Variants in RAD52 observed in about 807,000 individuals in gnomAD.
RAD52 encodes DNA repair protein RAD52 homolog.
A neutral mutation model predicts 55.5 loss-of-function variants in RAD52; 47 were observed. The observed-to-expected ratio is 0.85, with a 90% CI of 0.67 to 1.08. The LOEUF (loss-of-function observed/expected upper bound fraction) is 1.08. Ranked by LOEUF, RAD52 falls within the 50% of genes least tolerant of loss-of-function variation. RAD52 has a pLI of 0.00. For synonymous variants in RAD52, 184 were observed against 198.9 expected (o/e 0.92, Z 0.63); for missense variants, 468 against 522.8 (o/e 0.90, Z 1.02).
chr12:952,110 C>T (rs565257187), upstream of RAD52, among the ~76,000 whole-genome samples: 2 of 152,274 alleles, frequency 1.3e-5, no homozygotes, highest in South Asian at 4.1e-4. Context: ...ATTACAGAGG[C>T]TACATGCCCA....
chr12:926,020 C>T (rs1240695458), intron 6 of RAD52, among the ~76,000 whole-genome samples: 1 of 152,104 alleles, frequency 6.6e-6, no homozygotes, highest in Non-Finnish European at 1.5e-5. Context: ...CTCAAAGACA[C>T]GGATATGGTT....
At chr12:959,127 G>A (rs745931193) in intron 1 of RAD52, among the ~76,000 whole-genome samples, 6 of 152,086 alleles carry the variant, frequency 3.9e-5, no homozygotes, top group East Asian at 1.9e-4. Flanking sequence ...TTACTCAACC[G>A]AGTGCTGAGG....
chr12:923,323 T>G (rs1956838540), intron 7 of RAD52, among the ~76,000 whole-genome samples: 1 of 151,758 alleles, frequency 6.6e-6, no homozygotes, highest in South Asian at 2.1e-4. Flanking sequence ...GAGGATCACA[T>G]GAGCCCAGCA....
intron 1 of RAD52, among the ~76,000 whole-genome samples, chr12:986,366 CTTTTGT>C (rs1318363026): frequency 2.6e-5 from 4 of 151,632 alleles, no homozygotes; most frequent in Non-Finnish European, 5.9e-5. Context: ...ATCCAGCCTG[CTTTTGT>C]TTTTATTTTT....
chr12:956,824 G>A (rs1249671993), intron 1 of RAD52, among the ~76,000 whole-genome samples: 1 of 152,196 alleles, frequency 6.6e-6, no homozygotes, highest in African/African-American at 2.4e-5. Flanking sequence ...TGGGATTACA[G>A]GCGTGAGCCA....
chr12:944,120 G>A (rs903178469), intron 1 of RAD52, among the ~76,000 whole-genome samples: 5 of 152,132 alleles, frequency 3.3e-5, no homozygotes, highest in African/African-American at 4.8e-5. Context: ...GGGGGCTGAG[G>A]TGGAAGGCTT....
chr12:960,037 C>T (rs928433549), intron 1 of RAD52, among the ~76,000 whole-genome samples: 1 of 152,108 alleles, frequency 6.6e-6, no homozygotes, highest in Non-Finnish European at 1.5e-5. Flanking sequence ...AGGGCACAGG[C>T]CTTATAAGCC....
At chr12:962,541 G>T (rs1306060205) in intron 1 of RAD52, among the ~76,000 whole-genome samples, 2 of 151,282 alleles carry the variant, frequency 1.3e-5, no homozygotes, top group Admixed American at 1.3e-4. Flanking sequence ...TAGAGATAGG[G>T]TTTCATCTTG....
chr12:939,080 GTGTGT>G (rs1399815192), intron 1 of RAD52, among the ~76,000 whole-genome samples: 12 of 126,478 alleles, frequency 9.5e-5, no homozygotes, highest in Non-Finnish European at 1.6e-4. Flanking sequence ...GTGTGTGTGT[GTGTGT>G]AGAGAGAGAG....
At chr12:953,879 C>T (rs576486358), upstream of RAD52, among the ~76,000 whole-genome samples, 8 of 152,116 alleles carry the variant, frequency 5.3e-5, no homozygotes, top group African/African-American at 1.4e-4. Context: ...TGTGTGAGAG[C>T]GTTCCGTACA....
In RAD52 at chr12:914,430, C is replaced by T. The variant is rs1956248245; in HGVS notation, c.967+1G>A. The T allele has an allele frequency of 6.2e-7, 1 of 1,613,766 alleles. No individual in the cohort carries two copies. On this transcript the variant is annotated splice_donor_variant, in intron 10 of 11. Transcript: ENST00000358495. LOFTEE classifies it high-confidence loss of function. ...GCTTACAAGCATTTCAAGGTATTTACTGATTAATTCTTGAGTCACTCCTGC... is the reference window on the plus strand; with the variant it reads ...GCTTACAAGCATTTCAAGGTATTTATTGATTAATTCTTGAGTCACTCCTGC...
At chr12:915,446 A>G (rs1956306682) in intron 9 of RAD52, among the ~76,000 whole-genome samples, 1 of 152,224 alleles carries the variant, frequency 6.6e-6, no homozygotes, top group Non-Finnish European at 1.5e-5. Flanking sequence ...ATTTGTAGGG[A>G]AAAACTGGGC....
intron 5 of RAD52, among the ~76,000 whole-genome samples, chr12:929,097 C>A (rs1488363254): frequency 1.3e-5 from 2 of 152,136 alleles, no homozygotes; most frequent in Non-Finnish European, 2.9e-5. Context: ...AATCCCTGGG[C>A]TCAAGCAGTC....
At chr12:961,585 C>T (rs1040454112) in intron 1 of RAD52, among the ~76,000 whole-genome samples, 9 of 151,116 alleles carry the variant, frequency 6.0e-5, no homozygotes, top group Non-Finnish European at 8.9e-5. Context: ...TGGCTGGGCA[C>T]GGTGGTGGCT....
In RAD52 at chr12:929,890, G is replaced by T; in HGVS notation, c.281-4C>A. On this transcript the variant is annotated splice_region_variant and splice_polypyrimidine_tract_variant and intron_variant, in intron 4 of 11. Transcript: ENST00000358495. ...CCATTGTTGAGGTCAACAAAATCTAGGAGTGGGAAAGAGAGCAAGTTGAAG... is the reference window on the plus strand; with the variant it reads ...CCATTGTTGAGGTCAACAAAATCTATGAGTGGGAAAGAGAGCAAGTTGAAG... 1 of 1,613,306 alleles carries T rather than the reference G, an allele frequency of 6.2e-7. No homozygotes were observed. Among genetic ancestry groups the T allele is most frequent in the Non-Finnish European group, 8.5e-7 (1 of 1,179,242 alleles).
At chr12:914,209 A>G (rs1188365714) in intron 10 of RAD52, 88 bp from the exon 11 acceptor site, 2 of 1,361,212 alleles carry the variant, frequency 1.5e-6, no homozygotes, top group Non-Finnish European at 2.0e-6. Flanking sequence ...CAGAAATTCC[A>G]TGTCTTCAGT....
intron 1 of RAD52, among the ~76,000 whole-genome samples, chr12:943,450 C>A (rs1374398008): frequency 2.0e-5 from 3 of 152,188 alleles, no homozygotes; most frequent in Non-Finnish European, 4.4e-5. Context: ...TGAAGCAATT[C>A]TCCAGCCTCA....
intron 1 of RAD52, among the ~76,000 whole-genome samples, chr12:970,676 G>C (rs1453172727): frequency 1.3e-5 from 2 of 152,164 alleles, no homozygotes; most frequent in Non-Finnish European, 2.9e-5. Flanking sequence ...AGTTGGGAGA[G>C]GGCATTTGGG....
intron 1 of RAD52, among the ~76,000 whole-genome samples, chr12:941,583 G>A (rs1251474196): frequency 6.6e-6 from 1 of 151,592 alleles, no homozygotes; most frequent in African/African-American, 2.4e-5. Context: ...CTCCCAAATT[G>A]CTGGGATTAC....
Sources: gnomAD v4.1 joint callset for allele counts (sites outside exome capture counted in the v4.1 genomes callset) on GRCh38, gnomAD v4.1.1 for gene constraint, MANE v1.5 for transcripts, NCBI Gene and HGNC (gene_info 2026-07-23, HGNC 2026-07-21) for gene names.